Variants in NLRP5 observed in about 807,000 individuals in gnomAD.
The protein encoded by NLRP5 is NLR family pyrin domain containing 5, also known as NACHT, LRR and PYD domains-containing protein 5.
In NLRP5, 93 loss-of-function variants were observed where a neutral mutation model predicts 113.1. That is an observed-to-expected ratio of 0.82 (90% CI 0.70 to 0.98). NLRP5 has a LOEUF of 0.98. Among genes scored for constraint, NLRP5 ranks in the 50% least tolerant of loss-of-function variants. NLRP5 has a pLI of 0.00. For missense variants in NLRP5, 1,808 were observed against 1,514.3 expected (o/e 1.19, Z -3.22); for synonymous variants, 751 against 600.7 (o/e 1.25, Z -3.66).
the NLRP5 span, chr19:55,988,469 T>TGC: frequency 1.4e-5 from 2 of 144,978 alleles, no homozygotes; most frequent in Admixed American, 1.4e-4. Context: ...TATATATATA[T>TGC]GCTATATAAA....
chr19:56,050,568 T>C lies in NLRP5; in HGVS notation c.3108T>C (p.Ser1036=). 6.2e-7 allele frequency: 1 copy of C among 1,613,820 alleles called. No individual in the cohort carries two copies. The highest frequency in any genetic ancestry group is 1.3e-5 in the African/African-American group (1 of 75,026). Residue 1036 remains serine (S), a synonymous_variant, in exon 12 of 15, where the codon TCT becomes TCC. Coordinates refer to ENST00000390649, the MANE Select transcript of NLRP5 (RefSeq NM_153447.4). ...TGTGCGAGGTCATGAGAGAACCATC[T>C]TGTCATCTCCAGGACCTGGAGTGAG... is the stretch of plus-strand genomic sequence containing the variant.
chr19:56,060,450 G>T (rs1270840602), intron 14 of NLRP5, among the ~76,000 whole-genome samples: 2 of 152,056 alleles, frequency 1.3e-5, no homozygotes, highest in African/African-American at 4.8e-5. Context: ...TTTTCTCGTT[G>T]TTATAGCAAT....
intron 6 of NLRP5, among the ~76,000 whole-genome samples, chr19:56,020,804 A>G (rs1982583831): frequency 6.6e-6 from 1 of 151,594 alleles, no homozygotes; most frequent in South Asian, 2.1e-4. Context: ...TAATATGTAC[A>G]TGAATACCTG....
intron 6 of NLRP5, 143 bp from the exon 7 acceptor site, chr19:56,026,770 G>A: frequency 2.6e-6 from 2 of 769,184 alleles, no homozygotes; most frequent in South Asian, 3.8e-5. Flanking sequence ...TAGAGACGGG[G>A]CTTTGCCATT....
chr19:56,061,435 G>T lies in NLRP5; in HGVS notation c.3510G>T (p.Leu1170=). Reference sequence around the variant, plus strand: ...AGTACCCTGTGCAAATAAGGAAGCTGCTGGAGGAAGTGCAGCTACTCAAGC... The same window carrying T: ...AGTACCCTGTGCAAATAAGGAAGCTTCTGGAGGAAGTGCAGCTACTCAAGC... The change falls in exon 15 of 15, where the codon CTG becomes CTT. Residue 1170 remains leucine (L), a synonymous_variant. Coordinates refer to ENST00000390649, the MANE Select transcript of NLRP5 (RefSeq NM_153447.4). 1.2e-6 allele frequency: 2 copies of T among 1,614,030 alleles called. No homozygotes were observed. Among genetic ancestry groups the T allele is most frequent in the South Asian group, 2.2e-5 (2 of 91,084 alleles).
chr19:55,998,656 A>ATG (rs1451449123), upstream of NLRP5, among the ~76,000 whole-genome samples: 3 of 29,592 alleles, frequency 1.0e-4, no homozygotes, highest in Non-Finnish European at 1.7e-4. Context: ...TCGTCTCAAA[A>ATG]TATGTGTGTG....
chr19:56,054,589 C>T (rs193122702), intron 13 of NLRP5, among the ~76,000 whole-genome samples: 1 of 146,928 alleles, frequency 6.8e-6, no homozygotes, highest in Non-Finnish European at 1.5e-5. Context: ...AAAAAACGTG[C>T]TGATACGTTC....
intron 10 of NLRP5, among the ~76,000 whole-genome samples, chr19:56,038,950 A>G (rs1336051659): frequency 4.6e-5 from 7 of 152,194 alleles, no homozygotes; most frequent in Non-Finnish European, 1.0e-4. Flanking sequence ...TTCTGGGACT[A>G]CAGGTGTGAG....
At chr19:56,054,210 C>G (rs1984041619) in intron 13 of NLRP5, among the ~76,000 whole-genome samples, 1 of 152,082 alleles carries the variant, frequency 6.6e-6, no homozygotes. Context: ...TCAGAGCCAG[C>G]CAGGGGCTTA....
upstream of NLRP5, among the ~76,000 whole-genome samples, chr19:55,997,913 T>A (rs909388084): frequency 1.3e-5 from 2 of 152,146 alleles, no homozygotes; most frequent in Non-Finnish European, 2.9e-5. Flanking sequence ...GTAAAGTGTT[T>A]CTGTTGATAC....
intron 1 of NLRP5, among the ~76,000 whole-genome samples, chr19:56,000,439 A>G (rs1981599108): frequency 6.6e-6 from 1 of 151,870 alleles, no homozygotes; most frequent in Non-Finnish European, 1.5e-5. Context: ...ATCTTGACTC[A>G]CTGCAAGCTC....
chr19:55,987,954 C>G, the NLRP5 span: 13 of 1,464,032 alleles, frequency 8.9e-6, no homozygotes, highest in Non-Finnish European at 1.1e-5. Context: ...TTGATCAGTT[C>G]CCACTCTGAC....
At chr19:55,996,923 A>G (rs1182832916), upstream of NLRP5, among the ~76,000 whole-genome samples, 2 of 152,192 alleles carry the variant, frequency 1.3e-5, no homozygotes, top group East Asian at 3.8e-4. Flanking sequence ...TGACTTCCAC[A>G]ATGGTTGAAC....
At position 56,058,361 on chromosome 19, in the gene NLRP5, A is replaced by C; in HGVS notation, c.3421A>C (p.Lys1141Gln). The C allele has an allele frequency of 6.2e-7, 1 of 1,614,004 alleles. No individual in the cohort carries two copies. The highest frequency in any genetic ancestry group is 8.5e-7 in the Non-Finnish European group (1 of 1,179,886). ...TAACTTCAGTCCCAAAGGAATGATG[A>C]AGCTGTGTTCGGCCTTTGCCTGTCC... Residue 1141 changes from lysine (K) to glutamine (Q), a missense_variant, in exon 14 of 15, where the codon AAG becomes CAG. Coordinates refer to ENST00000390649, the MANE Select transcript of NLRP5 (RefSeq NM_153447.4).
Position 56,032,763 on chromosome 19 carries a change from G to T in NLRP5, c.2429G>T (p.Cys810Phe). The T allele has an allele frequency of 1.2e-6, 2 of 1,611,222 alleles. No homozygotes were observed. The highest frequency in any genetic ancestry group is 1.7e-6 in the Non-Finnish European group (2 of 1,179,278). Reference sequence around the variant, plus strand: ...TGTGCCAAGCTGAGGCATCCCACCTGCAAGATACAGACCCTGATGTAAGGC... The same window carrying T: ...TGTGCCAAGCTGAGGCATCCCACCTTCAAGATACAGACCCTGATGTAAGGC... The change falls in exon 8 of 15, where the codon TGC becomes TTC. Residue 810 changes from cysteine (C) to phenylalanine (F), a missense_variant. Physicochemically the swap from Cys to Phe is radical, Grantham distance 205. Transcript: ENST00000390649.
intron 4 of NLRP5, among the ~76,000 whole-genome samples, chr19:56,016,520 C>T (rs973455300): frequency 9.2e-5 from 14 of 152,108 alleles, no homozygotes; most frequent in Non-Finnish European, 1.8e-4. Flanking sequence ...CCAGTCACCA[C>T]GTTGTGCAAT....
At chr19:56,017,037 G>A (rs1040028316) in intron 4 of NLRP5, among the ~76,000 whole-genome samples, 1 of 152,070 alleles carries the variant, frequency 6.6e-6, no homozygotes, top group Non-Finnish European at 1.5e-5. Context: ...TCAGTCTCTT[G>A]ACCTCGTGAT....
At position 56,027,456 on chromosome 19, in the gene NLRP5, C is replaced by CCA; in HGVS notation, c.1224_1225insAC (p.Val409ThrfsTer21). Reference sequence around the variant, plus strand: ...CTCCCTGAGTCCTTCCTGATCGTCACCGTCAGAGACGTGGGCACAGAGAAG... The same window carrying CCA: ...CTCCCTGAGTCCTTCCTGATCGTCACCACGTCAGAGACGTGGGCACAGAGAAG... On this transcript the variant is annotated frameshift_variant, in exon 7 of 15. Transcript: ENST00000390649. LOFTEE classifies it high-confidence loss of function. 1 of 1,613,776 alleles carries CCA rather than the reference C, an allele frequency of 6.2e-7. No individual in the cohort carries two copies. Among genetic ancestry groups the CCA allele is most frequent in the Non-Finnish European group, 8.5e-7 (1 of 1,179,806 alleles).
chr19:56,003,666 T>C, intron 1 of NLRP5, 70 bp from the exon 2 acceptor site: 2 of 1,525,044 alleles, frequency 1.3e-6, no homozygotes, highest in Non-Finnish European at 1.8e-6. Context: ...GTGAGGTGAT[T>C]GATGTTAGTT....
Sources: allele counts gnomAD v4.1 joint callset (sites outside exome capture counted in the v4.1 genomes callset), GRCh38; gene constraint gnomAD v4.1.1; transcripts MANE v1.5; gene names NCBI Gene and HGNC (gene_info 2026-07-23, HGNC 2026-07-21).